The following SRPK1 variants were observed in gnomAD, a reference collection of about 807,000 sequenced individuals.
SRPK1 encodes SRSF protein kinase 1.
Under a neutral mutation model 89.5 loss-of-function variants are expected in SRPK1, and 52 were observed. The observed-to-expected ratio is 0.58, with a 90% CI of 0.46 to 0.73. The LOEUF is 0.73. SRPK1 is among the 30% of genes least tolerant of loss of function. SRPK1 has a pLI of 0.00. For synonymous variants in SRPK1, 255 were observed against 270.2 expected (o/e 0.94, Z 0.55); for missense variants, 603 against 780.6 (o/e 0.77, Z 2.71).
chr6:35,903,858 G>A lies in SRPK1; in HGVS notation c.75-12845C>T, dbSNP rs539778713. On this transcript the variant is annotated intron_variant, in intron 2 of 15. Transcript: ENST00000373825. ...CACCTGGACTTCTGTCCAGGTTGGA[G>A]TACAGTGGCACAATCATGGCACGTA... Among the ~76,000 whole-genome samples, 157 of 152,262 alleles carry A rather than the reference G, an allele frequency of 1.0e-3. 2 individuals are homozygous for A. The South Asian group carries it at 0.02, about 19-fold the overall frequency.
chr6:35,883,463 T>C (rs1054283968), intron 6 of SRPK1, among the ~76,000 whole-genome samples: 1 of 134,702 alleles, frequency 7.4e-6, no homozygotes. Flanking sequence ...TGCAGATTAC[T>C]TAAAAAGACT....
intron 8 of SRPK1, 31 bp downstream of exon 8, chr6:35,872,532 A>T (rs749037179): frequency 2.6e-6 from 4 of 1,544,344 alleles, no homozygotes; most frequent in Non-Finnish European, 3.5e-6. Context: ...TTAACTTCTA[A>T]TGATAGCGAA....
At chr6:35,858,340 T>C (rs1769707844) in intron 12 of SRPK1, among the ~76,000 whole-genome samples, 1 of 145,756 alleles carries the variant, frequency 6.9e-6, no homozygotes, top group Admixed American at 6.9e-5. Context: ...CTTTGTCACC[T>C]AAAAAAAAAA....
chr6:35,867,039 G>A (rs1769919784), intron 12 of SRPK1, among the ~76,000 whole-genome samples: 1 of 152,144 alleles, frequency 6.6e-6, no homozygotes, highest in Non-Finnish European at 1.5e-5. Context: ...ATGAAGGGAT[G>A]TTACTTGGTG....
chr6:35,894,067 T>C (rs575526291), intron 2 of SRPK1, among the ~76,000 whole-genome samples: 3 of 152,120 alleles, frequency 2.0e-5, no homozygotes, highest in African/African-American at 4.8e-5. Context: ...CGTAGGGCTA[T>C]CAATCAGGTC....
At chr6:35,837,706 C>G (rs559117321) in intron 15 of SRPK1, among the ~76,000 whole-genome samples, 9 of 152,184 alleles carry the variant, frequency 5.9e-5, no homozygotes, top group African/African-American at 2.2e-4. Flanking sequence ...CAGGTGTGTA[C>G]CACCATGCCC....
chr6:35,880,828 G>C (rs540779292), intron 6 of SRPK1, among the ~76,000 whole-genome samples: 1 of 139,942 alleles, frequency 7.1e-6, no homozygotes, highest in South Asian at 2.4e-4. Flanking sequence ...CAAATTAGAT[G>C]AAAGACATGA....
At chr6:35,836,584 C>T (rs1769183885) in intron 15 of SRPK1, among the ~76,000 whole-genome samples, 1 of 151,986 alleles carries the variant, frequency 6.6e-6, no homozygotes, top group Admixed American at 6.6e-5. Context: ...GAAACCCTGC[C>T]TCTACCAAAA....
At chr6:35,903,081 C>T (rs375349582) in intron 2 of SRPK1, among the ~76,000 whole-genome samples, 154 of 151,670 alleles carry the variant, frequency 1.0e-3, no homozygotes, top group African/African-American at 3.6e-3. Context: ...GAGTTCAAGA[C>T]CAGCCTAGGC....
intron 2 of SRPK1, among the ~76,000 whole-genome samples, chr6:35,916,815 A>G (rs1281353131): frequency 6.6e-6 from 1 of 152,238 alleles, no homozygotes; most frequent in Non-Finnish European, 1.5e-5. Flanking sequence ...TACCAGCACT[A>G]TGAGAGGCCA....
At position 35,892,653 on chromosome 6, in the gene SRPK1, AAACAACAACAACAAC is replaced by A. The variant is rs34158380; in HGVS notation, c.75-1655_75-1641del. 2.3e-4 allele frequency among the ~76,000 whole-genome samples: 34 copies of A among 148,528 alleles called. No homozygotes were observed. The East Asian group carries it at 6.0e-3, about 26-fold the overall frequency. On this transcript the variant is annotated intron_variant, in intron 2 of 15. Transcript: ENST00000373825. Reference sequence around the variant, plus strand: ...GGCAACAGGGCAAGATTCTGTCTAAAAACAACAACAACAACAACAACAACAACAACAACAACGACA... The same window carrying A: ...GGCAACAGGGCAAGATTCTGTCTAAAAACAACAACAACAACAACAACGACA...
intron 2 of SRPK1, among the ~76,000 whole-genome samples, chr6:35,918,770 C>T (rs1771167374): frequency 6.6e-6 from 1 of 152,194 alleles, no homozygotes; most frequent in Non-Finnish European, 1.5e-5. Flanking sequence ...AGATACACAT[C>T]TGACTTTAGA....
chr6:35,918,557 T>G lies in SRPK1; in HGVS notation c.74+1911A>C, dbSNP rs77699235. Among the ~76,000 whole-genome samples, 266 of 152,208 alleles carry G rather than the reference T, an allele frequency of 1.7e-3. 6 individuals are homozygous for G. In the South Asian group the frequency reaches 0.026, roughly 15 times the overall value. ...TCAAAAACAAACAAACAAAAAAAAC[T>G]TATTAATTGGAAACAAATCCAAAAA... On this transcript the variant is annotated intron_variant, in intron 2 of 15. Coordinates refer to ENST00000373825, the MANE Select transcript of SRPK1 (RefSeq NM_003137.5).
rs1171848800 is a variant in SRPK1 at position 35,834,072 on chromosome 6, A to G, written c.*1232T>C. ...ACAAAAAAGCCTCAAGTACATCTCA[A>G]TCATGTCAAAATTATGGTTAAAAAT... On this transcript the variant is annotated 3_prime_UTR_variant, in exon 16 of 16. Coordinates refer to ENST00000373825, the MANE Select transcript of SRPK1 (RefSeq NM_003137.5). 6.6e-6 allele frequency: 1 copy of G among 152,646 alleles called. No individual in the cohort carries two copies. The highest frequency in any genetic ancestry group is 2.1e-4 in the South Asian group (1 of 4,836). 9.5% of individuals were successfully genotyped at this position (152,646 alleles called of 1,614,324 possible). A position where few individuals can be genotyped will look rare whatever the true frequency, so the allele number is the denominator to read the frequency against.
chr6:35,850,567 T>G (rs568394632), intron 13 of SRPK1, among the ~76,000 whole-genome samples: 102 of 152,318 alleles, frequency 6.7e-4, no homozygotes, highest in African/African-American at 2.3e-3. Flanking sequence ...AAGTAGAGTT[T>G]TTCCAGTCTT....
chr6:35,871,698 C>G (rs1770039089), intron 8 of SRPK1, among the ~76,000 whole-genome samples: 1 of 152,122 alleles, frequency 6.6e-6, no homozygotes, highest in East Asian at 1.9e-4. Context: ...AAACTAAAAT[C>G]TGTATCTCAA....
At chr6:35,842,883 C>T (rs962673759) in intron 13 of SRPK1, among the ~76,000 whole-genome samples, 10 of 152,094 alleles carry the variant, frequency 6.6e-5, no homozygotes, top group Non-Finnish European at 1.2e-4. Context: ...AGCAATTCAG[C>T]CCTCCTGAGT....
intron 14 of SRPK1, among the ~76,000 whole-genome samples, chr6:35,841,601 A>C (rs1769308773): frequency 6.6e-6 from 1 of 152,164 alleles, no homozygotes; most frequent in South Asian, 2.1e-4. Context: ...TGGGAGGCTG[A>C]AGTGGGTGGA....
intron 10 of SRPK1, 135 bp from the exon 11 acceptor site, chr6:35,870,036 C>A: frequency 9.0e-7 from 1 of 1,108,118 alleles, no homozygotes; most frequent in Non-Finnish European, 1.3e-6. Context: ...CATCTAAAAC[C>A]TATTTCCGGA....
Sources: allele counts gnomAD v4.1 joint callset (sites outside exome capture counted in the v4.1 genomes callset), GRCh38; gene constraint gnomAD v4.1.1; transcripts MANE v1.5; gene names NCBI Gene and HGNC (gene_info 2026-07-23, HGNC 2026-07-21).